CIMIP2A: variants seen among roughly 807,000 people sequenced by gnomAD.
CIMIP2A encodes the protein family with sequence similarity 166 member A.
chr9:137,243,727 T>C, the CIMIP2A span: 2 of 1,614,010 alleles, frequency 1.2e-6, no homozygotes, highest in Non-Finnish European at 1.7e-6. Context: ...GCTTTGCCCA[T>C]TCCTTCCAGT....
the CIMIP2A span, chr9:137,244,948 A>T: frequency 1.9e-6 from 3 of 1,602,420 alleles, no homozygotes; most frequent in Non-Finnish European, 2.5e-6. Flanking sequence ...GCTGGGAGGC[A>T]GAGGAGGTCC....
the CIMIP2A span, chr9:137,245,021 G>A: frequency 2.1e-5 from 34 of 1,610,090 alleles, no homozygotes; most frequent in East Asian, 7.1e-4. Flanking sequence ...CTCCTCAGGG[G>A]CTCTCACACT....
chr9:137,252,616 C>T, the CIMIP2A span: 10 of 1,519,280 alleles, frequency 6.6e-6, no homozygotes, highest in East Asian at 7.5e-5. Flanking sequence ...GCTGAGGGTC[C>T]GTGGGGAGCA....
At chr9:137,252,624 G>A in the CIMIP2A span, 82 of 1,508,244 alleles carry the variant, frequency 5.4e-5, no homozygotes, top group Non-Finnish European at 6.8e-5. Context: ...TCCGTGGGGA[G>A]CACCCTGCCC....
chr9:137,243,704 AGT>A, the CIMIP2A span: 12 of 1,614,076 alleles, frequency 7.4e-6, no homozygotes, highest in African/African-American at 1.3e-5. Flanking sequence ...GCATTTTCAT[AGT>A]GTGTGGTTTC....
the CIMIP2A span, chr9:137,245,853 G>C: frequency 1.3e-6 from 2 of 1,504,336 alleles, no homozygotes; most frequent in Middle Eastern, 4.1e-4. Context: ...AGCCGGCATA[G>C]CTGTGGAGGG....
At chr9:137,249,204 C>G in the CIMIP2A span, among the ~76,000 whole-genome samples, 1 of 152,164 alleles carries the variant, frequency 6.6e-6, no homozygotes, top group African/African-American at 2.4e-5. Flanking sequence ...AATATAAGGG[C>G]ATAAAGCAGG....
At chr9:137,249,196 T>C in the CIMIP2A span, among the ~76,000 whole-genome samples, 2 of 152,114 alleles carry the variant, frequency 1.3e-5, no homozygotes, top group Non-Finnish European at 2.9e-5. Context: ...AGTCCGTAAA[T>C]ATAAGGGCAT....
chr9:137,247,755 G>A, the CIMIP2A span: 81 of 1,597,754 alleles, frequency 5.1e-5, 1 homozygote, highest in African/African-American at 8.0e-4. Flanking sequence ...AGTCCCTCCC[G>A]GCATCCAGCT....
the CIMIP2A span, chr9:137,243,829 C>T: frequency 1.2e-6 from 2 of 1,603,332 alleles, no homozygotes; most frequent in African/African-American, 1.3e-5. Flanking sequence ...GCTTATGTGC[C>T]CAGGACCAGC....
the CIMIP2A span, among the ~76,000 whole-genome samples, chr9:137,255,011 C>G: frequency 6.6e-6 from 1 of 152,226 alleles, no homozygotes; most frequent in African/African-American, 2.4e-5. Context: ...GCAAAACGTC[C>G]CCGCTGCGCG....
At chr9:137,247,683 C>T in the CIMIP2A span, 1,784 of 1,613,422 alleles carry the variant, frequency 1.1e-3, 12 homozygotes, top group African/African-American at 0.019. Flanking sequence ...GAGGCTCCGG[C>T]GTGAAGAGAT....
At chr9:137,252,856 C>G in the CIMIP2A span, 7 of 1,580,326 alleles carry the variant, frequency 4.4e-6, no homozygotes, top group Non-Finnish European at 5.2e-6. Context: ...GCAAGAGATG[C>G]CCTGGCCCCA....
the CIMIP2A span, chr9:137,245,118 G>C: frequency 6.2e-7 from 1 of 1,603,678 alleles, no homozygotes; most frequent in Non-Finnish European, 8.5e-7. Flanking sequence ...GATTAGGTTA[G>C]GGTGGTCCAG....
the CIMIP2A span, chr9:137,244,118 C>G: frequency 4.5e-6 from 7 of 1,543,286 alleles, no homozygotes; most frequent in Non-Finnish European, 5.4e-6. Context: ...GTAGAGCCGT[C>G]CCTCCCCACA....
At chr9:137,252,109 G>A in the CIMIP2A span, 1 of 1,611,744 alleles carries the variant, frequency 6.2e-7, no homozygotes, top group Non-Finnish European at 8.5e-7. Flanking sequence ...CCCCACTACA[G>A]CATCGGCTGC....
At chr9:137,244,576 A>G in the CIMIP2A span, 1 of 1,590,844 alleles carries the variant, frequency 6.3e-7, no homozygotes, top group Admixed American at 1.7e-5. Context: ...CCTCCAGGGA[A>G]GCTGCCAGGC....
the CIMIP2A span, chr9:137,245,310 G>T: frequency 6.3e-7 from 1 of 1,585,136 alleles, no homozygotes. Context: ...TGGCTGCCTG[G>T]TGCTGCCTGG....
chr9:137,250,993 G>A, the CIMIP2A span: 1 of 414,624 alleles, frequency 2.4e-6, no homozygotes, highest in South Asian at 2.1e-5. Context: ...CTGCTAGAGT[G>A]GACCCCAGAC....
Sources: allele counts gnomAD v4.1 joint callset (sites outside exome capture counted in the v4.1 genomes callset), GRCh38; gene constraint gnomAD v4.1.1; transcripts MANE v1.5; gene names NCBI Gene and HGNC (gene_info 2026-07-23, HGNC 2026-07-21).